Variants in IHO1 observed in about 807,000 individuals in gnomAD.
The protein encoded by IHO1 is interactor of HORMAD1 protein 1.
IHO1 carries 13 observed loss-of-function variants against 31.0 expected under a neutral mutation model. That is an observed-to-expected ratio of 0.42 (90% CI 0.27 to 0.67). The LOEUF is 0.67. Ranked by LOEUF, IHO1 falls within the 30% of genes least tolerant of loss-of-function variation. The pLI is 0.24. For synonymous variants in IHO1, 221 were observed against 248.4 expected, an observed-to-expected ratio of 0.89 and a Z score of 1.04; for missense variants, 599 against 687.5, an observed-to-expected ratio of 0.87 and a Z score of 1.44.
rs1012014488 is a variant in IHO1, at chr3:49,236,782, A to G, written c.231+60A>G. 19 of 1,503,606 alleles carry G rather than the reference A, an allele frequency of 1.3e-5. No homozygotes were observed. In the African/African-American group the frequency reaches 2.1e-4, roughly 17 times the overall value. The allele number at this position is 1,503,606 out of a possible 1,614,324, so 93.1% of individuals were successfully genotyped here. A position where few individuals can be genotyped will look rare whatever the true frequency, so the allele number is the denominator to read the frequency against. ...TTCACAGTCATTATGGAGATAAACTATAAAGAATACTTATTCTGGCCAGGT... is the reference window on the plus strand; with the variant it reads ...TTCACAGTCATTATGGAGATAAACTGTAAAGAATACTTATTCTGGCCAGGT... On this transcript the variant is annotated intron_variant, in intron 3 of 7. Coordinates refer to ENST00000452691, the MANE Select transcript of IHO1 (RefSeq NM_001135197.2).
upstream of IHO1, among the ~76,000 whole-genome samples, chr3:49,195,804 A>G (rs1372217031): frequency 1.3e-5 from 2 of 151,534 alleles, no homozygotes; most frequent in African/African-American, 2.4e-5. Flanking sequence ...AAATAACAGG[A>G]TAGAAATCAC....
At chr3:49,193,376 A>T in the IHO1 span, among the ~76,000 whole-genome samples, 1 of 151,666 alleles carries the variant, frequency 6.6e-6, no homozygotes. Context: ...CCATCTCAAA[A>T]ACAAAAGAAA....
chr3:49,254,630 T>G (rs2046801989), intron 6 of IHO1, among the ~76,000 whole-genome samples: 2 of 152,066 alleles, frequency 1.3e-5, no homozygotes, highest in African/African-American at 4.8e-5. Context: ...GGGAAGACTT[T>G]GCACAAAGGC....
At chr3:49,198,261 G>A (rs2046013594), upstream of IHO1, among the ~76,000 whole-genome samples, 1 of 152,084 alleles carries the variant, frequency 6.6e-6, no homozygotes, top group Non-Finnish European at 1.5e-5. Flanking sequence ...CTCCTACCAA[G>A]GTCACTCAAA....
At chr3:49,206,331 C>T (rs552813216) in intron 1 of IHO1, among the ~76,000 whole-genome samples, 36 of 152,062 alleles carry the variant, frequency 2.4e-4, no homozygotes, top group Admixed American at 1.2e-3. Context: ...CTCTTGACCT[C>T]GTGATCCGCC....
At chr3:49,255,307 A>G in intron 6 of IHO1, 83 bp from the exon 7 acceptor site, 1 of 924,018 alleles carries the variant, frequency 1.1e-6, no homozygotes, top group Non-Finnish European at 1.6e-6. Flanking sequence ...CTCCCTTTTC[A>G]CTGCTGTGGT....
At chr3:49,204,472 T>G (rs1424116655) in intron 1 of IHO1, among the ~76,000 whole-genome samples, 2 of 152,138 alleles carry the variant, frequency 1.3e-5, no homozygotes, top group African/African-American at 4.8e-5. Context: ...AGGTTAATGA[T>G]TACTAGTTAT....
At position 49,255,387 on chromosome 3, in the gene IHO1, T is replaced by C; in HGVS notation, c.533-3T>C. The C allele has an allele frequency of 6.3e-7, 1 of 1,583,622 alleles. No individual in the cohort carries two copies. Among genetic ancestry groups the C allele is most frequent in the Non-Finnish European group, 8.6e-7 (1 of 1,169,122 alleles). ...AGGTGAACTGTCACTGTTTTGTATT[T>C]AGTACAAGAGACTATACAGGCCCAG... On this transcript the variant is annotated splice_polypyrimidine_tract_variant and splice_region_variant and intron_variant, in intron 6 of 7. Transcript: ENST00000452691.
intron 1 of IHO1, among the ~76,000 whole-genome samples, chr3:49,211,071 G>A (rs1179257883): frequency 9.5e-5 from 14 of 147,430 alleles, no homozygotes; most frequent in African/African-American, 3.5e-4. Flanking sequence ...GCAGTGGCGC[G>A]ATCTCGGCTC....
chr3:49,241,997 G>T (rs2046637909), intron 4 of IHO1, among the ~76,000 whole-genome samples: 1 of 151,882 alleles, frequency 6.6e-6, no homozygotes, highest in Non-Finnish European at 1.5e-5. Context: ...AGACTGGAGT[G>T]CAATGGCACA....
intron 2 of IHO1, among the ~76,000 whole-genome samples, chr3:49,227,032 T>C (rs1056120661): frequency 6.6e-6 from 1 of 152,142 alleles, no homozygotes; most frequent in Non-Finnish European, 1.5e-5. Context: ...AGGGGAGCTA[T>C]AGGGAGGCTA....
intron 2 of IHO1, among the ~76,000 whole-genome samples, chr3:49,212,515 CAA>C (rs1201035345): frequency 3.7e-4 from 28 of 75,168 alleles, no homozygotes; most frequent in Admixed American, 5.8e-4. Flanking sequence ...GACTCAATCT[CAA>C]AAAAAAAAAA....
chr3:49,242,745 C>G (rs2046646145), intron 4 of IHO1, among the ~76,000 whole-genome samples: 2 of 152,048 alleles, frequency 1.3e-5, no homozygotes, highest in Admixed American at 6.6e-5. Context: ...GCGGAGGTTG[C>G]AGGGAGCCTA....
intron 1 of IHO1, among the ~76,000 whole-genome samples, chr3:49,210,628 A>C (rs1575566121): frequency 6.7e-6 from 1 of 150,026 alleles, no homozygotes; most frequent in Non-Finnish European, 1.5e-5. Flanking sequence ...CAAACTCCTG[A>C]CCTCAAATGA....
At chr3:49,246,848 T>TTTTTC (rs1282636248) in intron 6 of IHO1, among the ~76,000 whole-genome samples, 4 of 151,876 alleles carry the variant, frequency 2.6e-5, no homozygotes, top group Admixed American at 1.3e-4. Context: ...TGCTTTTCTT[T>TTTTTC]TTTTCTTTTC....
At chr3:49,232,769 T>C (rs1008667406) in intron 2 of IHO1, among the ~76,000 whole-genome samples, 2 of 152,164 alleles carry the variant, frequency 1.3e-5, no homozygotes, top group Admixed American at 6.5e-5. Flanking sequence ...CAATTGTAAT[T>C]TAATGATAGT....
intron 6 of IHO1, among the ~76,000 whole-genome samples, chr3:49,248,193 C>T (rs1467763672): frequency 5.4e-5 from 8 of 149,252 alleles, no homozygotes; most frequent in South Asian, 2.1e-4. Flanking sequence ...GAGGCCAAGG[C>T]GGGCAGATCA....
intron 6 of IHO1, among the ~76,000 whole-genome samples, chr3:49,253,430 AGAAAG>A (rs2046786043): frequency 6.6e-6 from 1 of 152,118 alleles, no homozygotes. Context: ...TCTCAAAAAA[AGAAAG>A]AAAGAAAGAA....
intron 1 of IHO1, among the ~76,000 whole-genome samples, chr3:49,207,003 G>A (rs1009070499): frequency 9.5e-5 from 14 of 146,948 alleles, no homozygotes; most frequent in Admixed American, 2.8e-4. Flanking sequence ...AGCCGAGATC[G>A]TGCCATTGCA....
Sources: gnomAD v4.1 joint callset for allele counts (sites outside exome capture counted in the v4.1 genomes callset) on GRCh38, gnomAD v4.1.1 for gene constraint, MANE v1.5 for transcripts, NCBI Gene and HGNC (gene_info 2026-07-23, HGNC 2026-07-21) for gene names.